Variants in IQSEC3 observed in about 807,000 individuals in gnomAD.
IQSEC3 encodes IQ motif and Sec7 domain ArfGEF 3, also known as IQ motif and SEC7 domain-containing protein 3.
In IQSEC3, 50 loss-of-function variants were observed where a neutral mutation model predicts 105.4. The ratio of observed to expected loss-of-function variants is 0.47; its 90% CI spans 0.38 to 0.60. The LOEUF is 0.60. Among genes scored for constraint, IQSEC3 ranks in the 20% least tolerant of loss-of-function variants. The pLI, the probability that IQSEC3 is intolerant of heterozygous loss-of-function variation, is 0.00. For synonymous variants in IQSEC3, 708 were observed against 746.0 expected, an observed-to-expected ratio of 0.95 and a Z score of 0.83; for missense variants, 1,415 against 1,630.0, an observed-to-expected ratio of 0.87 and a Z score of 2.27.
chr12:109,216 C>T (rs1000418167), intron 2 of IQSEC3, among the ~76,000 whole-genome samples: 1 of 152,216 alleles, frequency 6.6e-6, no homozygotes, highest in Non-Finnish European at 1.5e-5. Context: ...TGGCCTCTGA[C>T]AAAGCAGACA....
intron 11 of IQSEC3, chr12:167,032 C>G (rs1938688846): frequency 6.6e-6 from 1 of 152,102 alleles, no homozygotes; most frequent in Non-Finnish European, 1.5e-5. Context: ...ACAATTTAAA[C>G]CAGGGTAAAA....
rs1555094771 is a variant in IQSEC3, at chr12:157,525, C to A, written c.2277-3C>A. 1.9e-6 allele frequency: 3 copies of A among 1,609,942 alleles called. No homozygotes were observed. The highest frequency in any genetic ancestry group is 2.2e-5 in the South Asian group (2 of 90,316). ...GTCCGCTCTGCATCTGACCCCCCCA[C>A]AGCCAGCGCTACTGCATGTGCAACC... On this transcript the variant is annotated splice_polypyrimidine_tract_variant and splice_region_variant and intron_variant, in intron 6 of 13. Transcript: ENST00000538872.
At chr12:161,410 A>G (rs1017560137) in intron 7 of IQSEC3, among the ~76,000 whole-genome samples, 5 of 152,110 alleles carry the variant, frequency 3.3e-5, no homozygotes, top group Admixed American at 3.3e-4. Flanking sequence ...CTGCTCCCCC[A>G]CTGCTCCCAG....
At chr12:79,941 G>A (rs1303599118) in intron 1 of IQSEC3, among the ~76,000 whole-genome samples, 3 of 152,134 alleles carry the variant, frequency 2.0e-5, no homozygotes, top group African/African-American at 7.2e-5. Flanking sequence ...TGCACCTTGA[G>A]TTTTGTTCCC....
rs199509919 is a variant in IQSEC3, at chr12:174,726, C to T, written c.3242C>T (p.Pro1081Leu). The stretch of plus-strand genomic sequence containing the variant: ...AGACAGCAGACCCCACCACTGCCGC[C>T]GCCGCCACCCACGCCCCCGGGCACC... ...PPRQQTPPLP[P>L]PPPTPPGTLV... is the part of the protein sequence containing the mutation. The change falls in exon 14 of 14, where the codon CCG becomes CTG. Residue 1081 changes from proline (P) to leucine (L), a missense_variant. Pro to Leu is a moderately conservative substitution (Grantham distance 98). Coordinates refer to ENST00000538872, the MANE Select transcript of IQSEC3 (RefSeq NM_001170738.2). 2.5e-4 allele frequency: 398 copies of T among 1,593,122 alleles called. 1 individual carries two copies. The African/African-American group carries it at 4.4e-3, about 18-fold the overall frequency.
At chr12:76,672 C>T (rs1271652143) in intron 1 of IQSEC3, among the ~76,000 whole-genome samples, 2 of 152,252 alleles carry the variant, frequency 1.3e-5, no homozygotes, top group African/African-American at 2.4e-5. Context: ...TGCGGGAGAC[C>T]AGGCCCCAGA....
chr12:157,421 A>C, intron 6 of IQSEC3, 107 bp from the exon 7 acceptor site: 1 of 1,311,356 alleles, frequency 7.6e-7, no homozygotes, highest in Non-Finnish European at 1.0e-6. Context: ...CCTGGACCTA[A>C]AGCCTTCGGA....
At chr12:162,929 G>T (rs1435205101) in intron 8 of IQSEC3, among the ~76,000 whole-genome samples, 3 of 152,094 alleles carry the variant, frequency 2.0e-5, no homozygotes, top group Non-Finnish European at 4.4e-5. Context: ...GGCTGGACTG[G>T]AACAGCCTGC....
At chr12:161,073 A>G (rs892545089) in intron 7 of IQSEC3, among the ~76,000 whole-genome samples, 7 of 152,112 alleles carry the variant, frequency 4.6e-5, no homozygotes, top group Non-Finnish European at 8.8e-5. Context: ...GAGAACCAAG[A>G]TCAGACGTGG....
In IQSEC3 at chr12:146,515, G is replaced by A. The variant is rs782665011; in HGVS notation, c.2153+5230G>A. 1.3e-4 allele frequency among the ~76,000 whole-genome samples: 20 copies of A among 151,982 alleles called. 1 individual carries two copies. In the Middle Eastern group the frequency reaches 0.017, roughly 129 times the overall value. ...TTTTTAAGTAGCCAGGTGTGGTGGCGGGCACCTGTGGTCCCAGCTACTCGG... is the reference window on the plus strand; with the variant it reads ...TTTTTAAGTAGCCAGGTGTGGTGGCAGGCACCTGTGGTCCCAGCTACTCGG... On this transcript the variant is annotated intron_variant, in intron 5 of 13. Coordinates refer to ENST00000538872, the MANE Select transcript of IQSEC3 (RefSeq NM_001170738.2).
chr12:143,439 T>C (rs1014013382), intron 5 of IQSEC3: 1 of 152,928 alleles, frequency 6.5e-6, no homozygotes, highest in African/African-American at 2.4e-5. Flanking sequence ...GGCGATGTGA[T>C]TGCAAAAGTT....
At chr12:75,536 AG>A (rs1199656910) in intron 1 of IQSEC3, among the ~76,000 whole-genome samples, 74 of 152,298 alleles carry the variant, frequency 4.9e-4, no homozygotes, top group African/African-American at 1.5e-3. Flanking sequence ...GCTCCTTTCT[AG>A]GATCTTAAAA....
chr12:171,087 A>G, intron 12 of IQSEC3, 25 bp from the exon 13 acceptor site: 1 of 1,613,012 alleles, frequency 6.2e-7, no homozygotes, highest in Non-Finnish European at 8.5e-7. Context: ...GTGGAGAATG[A>G]GCCCTGTGCT....
intron 1 of IQSEC3, among the ~76,000 whole-genome samples, chr12:87,666 G>T (rs1863959752): frequency 6.6e-6 from 1 of 152,136 alleles, no homozygotes; most frequent in African/African-American, 2.4e-5. Context: ...ATGGTTTTAG[G>T]ATGAGAGATT....
Position 138,845 on chromosome 12 carries a change from C to G in IQSEC3, c.1482C>G (p.Asn494Lys). The stretch of plus-strand genomic sequence containing the variant: ...GGGACGTCACGGTGCAGATCGCCAA[C>G]CAGAACATATCCGTCTCCTCCTCCA... ...AFRDVTVQIANQNISVSSSTA... is the reference protein window; with the variant it reads ...AFRDVTVQIAKQNISVSSSTA... Residue 494 changes from asparagine (N) to lysine (K), a missense_variant, in exon 4 of 14, where the codon AAC becomes AAG. Around this residue, in one of 6 missense-constraint regions of IQSEC3, gnomAD observed 720 missense variants for 633.0 expected, o/e 1.14. Transcript: ENST00000538872. This position sits in a 1 kb window ranked among gnomAD's most constrained non-coding sequence, Gnocchi z 7.1. The G allele has an allele frequency of 6.2e-7, 1 of 1,612,400 alleles. No homozygotes were observed.
At chr12:71,135 G>A (rs554497278) in intron 1 of IQSEC3, among the ~76,000 whole-genome samples, 1 of 152,388 alleles carries the variant, frequency 6.6e-6, no homozygotes, top group African/African-American at 2.4e-5. Context: ...GGAGGCTGGG[G>A]ATAGCTAGAA....
At position 125,823 on chromosome 12, in the gene IQSEC3, C is replaced by T. The variant is rs546662623; in HGVS notation, c.814C>T (p.Arg272Trp). 260 of 1,529,514 alleles carry T rather than the reference C, an allele frequency of 1.7e-4. No individual in the cohort carries two copies. The highest frequency in any genetic ancestry group is 2.1e-4 in the Middle Eastern group (1 of 4,820). 94.7% of individuals were successfully genotyped at this position (1,529,514 alleles called of 1,614,324 possible). ...CCCCCAGCACAAGGCCTCCCCCGGC[C>T]GGCAGCAGCCTGCCCTGGCGACGGC... is the stretch of plus-strand genomic sequence containing the variant. ...AGPQHKASPG[R>W]QQPALATALC... The change falls in exon 3 of 14, where the codon CGG (arginine) becomes TGG (tryptophan). Residue 272 changes from arginine to tryptophan, a missense_variant. Physicochemically the swap from Arg to Trp is moderately radical, Grantham distance 101. Coordinates refer to ENST00000538872, the MANE Select transcript of IQSEC3 (RefSeq NM_001170738.2).
intron 2 of IQSEC3, among the ~76,000 whole-genome samples, chr12:115,373 C>A (rs1555080426): frequency 6.6e-6 from 1 of 152,140 alleles, no homozygotes; most frequent in East Asian, 1.9e-4. Flanking sequence ...AATGAAGGGG[C>A]TTTAGAGCCA....
At chr12:166,824 G>A (rs1266586460) in intron 11 of IQSEC3, 1 of 152,170 alleles carries the variant, frequency 6.6e-6, no homozygotes, top group Non-Finnish European at 1.5e-5. Context: ...TACACACTAA[G>A]CAGTTTATTT....
Sources: allele counts gnomAD v4.1 joint callset (sites outside exome capture counted in the v4.1 genomes callset), GRCh38; gene constraint gnomAD v4.1.1; regional missense constraint gnomAD v4.1.1; non-coding constraint Gnocchi (gnomAD v3.1); transcripts MANE v1.5; gene names NCBI Gene and HGNC (gene_info 2026-07-23, HGNC 2026-07-21).